Variants in WBP1L observed in about 807,000 individuals in gnomAD.
WBP1L encodes the protein WW domain binding protein 1-like.
In WBP1L, 17 loss-of-function variants were observed where a neutral mutation model predicts 33.7. The observed-to-expected ratio is 0.50, with a 90% CI of 0.34 to 0.76. The LOEUF (loss-of-function observed/expected upper bound fraction) is 0.76. Among genes scored for constraint, WBP1L ranks in the 30% least tolerant of loss-of-function variants. The probability of loss-of-function intolerance (pLI) is 0.01; values close to 1 mark genes in which losing one functional copy is unlikely to be tolerated. For synonymous variants in WBP1L, 173 were observed against 190.8 expected, an observed-to-expected ratio of 0.91 and a Z score of 0.77; for missense variants, 389 against 469.4, an observed-to-expected ratio of 0.83 and a Z score of 1.58.
intron 2 of WBP1L, among the ~76,000 whole-genome samples, chr10:102,808,291 T>G (rs1843767401): frequency 6.6e-6 from 1 of 152,248 alleles, no homozygotes; most frequent in South Asian, 2.1e-4. Context: ...TATTTTTGTT[T>G]TCCTTTCAGT....
chr10:102,756,744 G>T (rs972156415), intron 1 of WBP1L, among the ~76,000 whole-genome samples: 2 of 152,110 alleles, frequency 1.3e-5, no homozygotes, highest in Middle Eastern at 3.4e-3. Context: ...GTTGTTCTCC[G>T]GTATGGTTGT....
At chr10:102,750,762 A>G (rs1481306064) in intron 1 of WBP1L, among the ~76,000 whole-genome samples, 1 of 151,942 alleles carries the variant, frequency 6.6e-6, no homozygotes, top group Non-Finnish European at 1.5e-5. Flanking sequence ...CAGCCTCCCA[A>G]AGTTCTAGAA....
intron 2 of WBP1L, among the ~76,000 whole-genome samples, chr10:102,806,747 C>T (rs946476928): frequency 6.6e-6 from 1 of 152,100 alleles, no homozygotes; most frequent in Non-Finnish European, 1.5e-5. Context: ...AATTAAGTGC[C>T]GTGGAATGGT....
At chr10:102,770,320 C>G (rs1476777909) in intron 1 of WBP1L, among the ~76,000 whole-genome samples, 1 of 152,112 alleles carries the variant, frequency 6.6e-6, no homozygotes, top group African/African-American at 2.4e-5. Context: ...TAAGAAAGAT[C>G]TCTTATCTTA....
chr10:102,769,314 C>G (rs1021943832), intron 1 of WBP1L, among the ~76,000 whole-genome samples: 1 of 151,994 alleles, frequency 6.6e-6, no homozygotes, highest in Non-Finnish European at 1.5e-5. Flanking sequence ...CTTCTTTGGC[C>G]ATTCTGTCCC....
At chr10:102,776,360 CCAA>C in intron 1 of WBP1L, 1 of 1,614,122 alleles carries the variant, frequency 6.2e-7, no homozygotes, top group Non-Finnish European at 8.5e-7. Flanking sequence ...GCCCTTTGTT[CCAA>C]CGTTAGTGTG....
chr10:102,782,966 A>G (rs1313775052), intron 1 of WBP1L, among the ~76,000 whole-genome samples: 1 of 152,096 alleles, frequency 6.6e-6, no homozygotes. Flanking sequence ...GGATCTCCCA[A>G]CTGTGATGCA....
Position 102,812,671 on chromosome 10 carries a change from T to C in WBP1L, c.432T>C (p.Ser144=), listed in dbSNP as rs1299491378. Residue 144 remains serine (S), a synonymous_variant, in exon 4 of 4, where the codon AGT becomes AGC. Coordinates refer to ENST00000448841, the MANE Select transcript of WBP1L (RefSeq NM_001083913.2). ...NRPPTPPPPY[S]AFQLQQQQLL... is the part of the protein sequence containing the mutation. ...CTCCAACTCCTCCCCCACCATACAGTGCCTTCCAGCTACAGCAGCAGCAGC... is the reference window on the plus strand; with the variant it reads ...CTCCAACTCCTCCCCCACCATACAGCGCCTTCCAGCTACAGCAGCAGCAGC... 1 of 1,613,444 alleles carries C rather than the reference T, an allele frequency of 6.2e-7. No individual in the cohort carries two copies. Among genetic ancestry groups the C allele is most frequent in the Non-Finnish European group, 8.5e-7 (1 of 1,179,724 alleles).
chr10:102,757,721 C>T (rs1168767388), intron 1 of WBP1L, among the ~76,000 whole-genome samples: 1 of 151,370 alleles, frequency 6.6e-6, no homozygotes, highest in Non-Finnish European at 1.5e-5. Context: ...GGACTATAGG[C>T]GTGCACCATT....
chr10:102,749,523 G>A (rs1431413789), intron 1 of WBP1L, among the ~76,000 whole-genome samples: 1 of 151,570 alleles, frequency 6.6e-6, no homozygotes, highest in Non-Finnish European at 1.5e-5. Flanking sequence ...ATGTTGCCCA[G>A]GTGGGTCTAG....
intron 2 of WBP1L, among the ~76,000 whole-genome samples, chr10:102,803,116 C>T (rs954006370): frequency 1.3e-5 from 2 of 152,200 alleles, no homozygotes; most frequent in East Asian, 1.9e-4. Context: ...TTCTCTTCCA[C>T]GTCTGCAGTC....
chr10:102,792,449 G>A (rs1054601332), intron 1 of WBP1L, among the ~76,000 whole-genome samples: 1 of 152,074 alleles, frequency 6.6e-6, no homozygotes, highest in Non-Finnish European at 1.5e-5. Flanking sequence ...TTACCTCCCT[G>A]TACAGAGTGG....
chr10:102,786,744 A>G (rs1843421001), intron 1 of WBP1L, among the ~76,000 whole-genome samples: 1 of 152,216 alleles, frequency 6.6e-6, no homozygotes, highest in Non-Finnish European at 1.5e-5. Flanking sequence ...GGTTGAAGTC[A>G]GTGGACCTCT....
At chr10:102,809,815 G>T (rs1246465886) in intron 2 of WBP1L, 78 bp from the exon 3 acceptor site, 1 of 1,509,812 alleles carries the variant, frequency 6.6e-7, no homozygotes, top group African/African-American at 1.4e-5. Flanking sequence ...ACCGTCCAGG[G>T]ACCTCCCTGT....
In WBP1L at chr10:102,773,143, T is replaced by C. The variant is rs116571374; in HGVS notation, c.91-24850T>C. Among the ~76,000 whole-genome samples, 369 of 152,258 alleles carry C rather than the reference T, an allele frequency of 2.4e-3. 3 individuals are homozygous for C. Among genetic ancestry groups the C allele is most frequent in the African/African-American group, 8.5e-3 (353 of 41,554 alleles). ...ATGGCAAAGCTGACTCCTTTGTCACTAGGTTGTAGTAATATTTGTATAACA... is the reference window on the plus strand; with the variant it reads ...ATGGCAAAGCTGACTCCTTTGTCACCAGGTTGTAGTAATATTTGTATAACA... On this transcript the variant is annotated intron_variant, in intron 1 of 3. Transcript: ENST00000448841.
chr10:102,749,481 AT>A (rs984434577), intron 1 of WBP1L, among the ~76,000 whole-genome samples: 1 of 150,290 alleles, frequency 6.7e-6, no homozygotes, highest in Non-Finnish European at 1.5e-5. Context: ...AATAAAAAAA[AT>A]TTTTTTTTAA....
intron 1 of WBP1L, among the ~76,000 whole-genome samples, 197 bp from the exon 2 acceptor site, chr10:102,797,796 C>G (rs1843594412): frequency 6.6e-6 from 1 of 152,116 alleles, no homozygotes; most frequent in Non-Finnish European, 1.5e-5. Context: ...CGCGATCTGC[C>G]TGCCTCGGCC....
chr10:102,757,034 T>G (rs1478580161), intron 1 of WBP1L, among the ~76,000 whole-genome samples: 2 of 152,036 alleles, frequency 1.3e-5, no homozygotes, highest in Non-Finnish European at 2.9e-5. Flanking sequence ...ATTACCAACG[T>G]TTGCCACCAC....
At chr10:102,760,107 T>C (rs989946601) in intron 1 of WBP1L, among the ~76,000 whole-genome samples, 1 of 152,242 alleles carries the variant, frequency 6.6e-6, no homozygotes, top group Non-Finnish European at 1.5e-5. Context: ...TAATGACTAG[T>C]AATATCAAAT....
Sources: gnomAD v4.1 joint callset for allele counts (sites outside exome capture counted in the v4.1 genomes callset) on GRCh38, gnomAD v4.1.1 for gene constraint, MANE v1.5 for transcripts, NCBI Gene and HGNC (gene_info 2026-07-23, HGNC 2026-07-21) for gene names.